KCNIP4: variants seen among roughly 807,000 people sequenced by gnomAD.
KCNIP4 encodes the protein Kv channel-interacting protein 4.
A neutral mutation model predicts 34.0 loss-of-function variants in KCNIP4; 12 were observed. The observed-to-expected ratio is 0.35, with a 90% CI of 0.23 to 0.57. The LOEUF is 0.57. KCNIP4 is among the 20% of genes least tolerant of loss of function. KCNIP4 has a pLI of 0.83. For missense variants in KCNIP4, 238 were observed against 311.7 expected, an observed-to-expected ratio of 0.76 and a Z score of 1.78; for synonymous variants, 124 against 102.2, an observed-to-expected ratio of 1.21 and a Z score of -1.29.
chr4:21,365,269 G>A (rs1377106970), intron 1 of KCNIP4, among the ~76,000 whole-genome samples: 1 of 152,036 alleles, frequency 6.6e-6, no homozygotes, highest in Non-Finnish European at 1.5e-5. Context: ...CGGATCACTT[G>A]AGGTCAAGAG....
At chr4:21,356,137 C>T (rs908809387) in intron 1 of KCNIP4, among the ~76,000 whole-genome samples, 2 of 152,132 alleles carry the variant, frequency 1.3e-5, no homozygotes, top group African/African-American at 4.8e-5. Flanking sequence ...ATGCTAAAAA[C>T]TCTCAAAAAA....
chr4:21,761,614 T>C (rs1408785633), intron 1 of KCNIP4, among the ~76,000 whole-genome samples: 6 of 131,262 alleles, frequency 4.6e-5, no homozygotes, highest in African/African-American at 1.9e-4. Context: ...TTAACATAAA[T>C]TTGTAAAACA....
chr4:21,152,137 C>A (rs1174258477), intron 1 of KCNIP4, among the ~76,000 whole-genome samples: 3 of 152,190 alleles, frequency 2.0e-5, no homozygotes, highest in Admixed American at 6.5e-5. Context: ...CCTGTAATCC[C>A]AGCTACTTGG....
chr4:21,234,362 TATAATATATAACATAC>T (rs1445918522), intron 1 of KCNIP4, among the ~76,000 whole-genome samples: 3 of 109,602 alleles, frequency 2.7e-5, no homozygotes, highest in Admixed American at 2.1e-4. Context: ...ATATAACATA[TATAATATATAACATAC>T]ATCATACATA....
At chr4:21,012,020 A>G (rs1271680060) in intron 1 of KCNIP4, among the ~76,000 whole-genome samples, 2 of 152,222 alleles carry the variant, frequency 1.3e-5, no homozygotes, top group African/African-American at 4.8e-5. Context: ...AAACAAAAGC[A>G]TGATAAGAAT....
At chr4:21,276,786 G>A (rs1762468252) in intron 1 of KCNIP4, among the ~76,000 whole-genome samples, 1 of 151,928 alleles carries the variant, frequency 6.6e-6, no homozygotes, top group African/African-American at 2.4e-5. Context: ...TATAGTTTTG[G>A]GCCAATGAGG....
chr4:21,910,447 G>C (rs970232307), intron 1 of KCNIP4, among the ~76,000 whole-genome samples: 1 of 152,090 alleles, frequency 6.6e-6, no homozygotes, highest in African/African-American at 2.4e-5. Context: ...CAGACTGGAG[G>C]CTTCTACATA....
intron 1 of KCNIP4, among the ~76,000 whole-genome samples, chr4:20,938,373 T>C (rs977675384): frequency 6.6e-6 from 1 of 151,914 alleles, no homozygotes; most frequent in Non-Finnish European, 1.5e-5. Context: ...CCAGCCAGGG[T>C]CCTATGACTG....
At chr4:21,148,853 A>G (rs2109238008) in intron 1 of KCNIP4, among the ~76,000 whole-genome samples, 1 of 152,328 alleles carries the variant, frequency 6.6e-6, no homozygotes, top group East Asian at 1.9e-4. Context: ...GTTTTGATGA[A>G]CACTAAAACT....
chr4:21,523,243 A>T (rs1169622006), intron 1 of KCNIP4, among the ~76,000 whole-genome samples: 1 of 152,130 alleles, frequency 6.6e-6, no homozygotes, highest in East Asian at 1.9e-4. Flanking sequence ...ATCCTGAATG[A>T]ACTAAGACAC....
At chr4:21,497,025 A>G (rs532539209) in intron 1 of KCNIP4, among the ~76,000 whole-genome samples, 4 of 152,126 alleles carry the variant, frequency 2.6e-5, no homozygotes, top group Non-Finnish European at 5.9e-5. Context: ...CCTCTCCTCT[A>G]TCTAAAGTAG....
chr4:21,060,455 G>T (rs1404682202), intron 1 of KCNIP4, among the ~76,000 whole-genome samples: 1 of 152,120 alleles, frequency 6.6e-6, no homozygotes, highest in Non-Finnish European at 1.5e-5. Flanking sequence ...GCTTCAATAA[G>T]ACATAGAAGG....
At chr4:21,908,788 A>G (rs906506872) in intron 1 of KCNIP4, among the ~76,000 whole-genome samples, 1 of 152,208 alleles carries the variant, frequency 6.6e-6, no homozygotes, top group African/African-American at 2.4e-5. Context: ...GCAATCATAA[A>G]GTAGTTGAAA....
intron 1 of KCNIP4, among the ~76,000 whole-genome samples, chr4:21,582,970 C>T (rs1188653819): frequency 6.6e-6 from 1 of 151,812 alleles, no homozygotes; most frequent in African/African-American, 2.4e-5. Context: ...TTGCCTTTCT[C>T]ACACTAGCAA....
At chr4:21,004,407 C>T (rs186065950) in intron 1 of KCNIP4, among the ~76,000 whole-genome samples, 63 of 152,236 alleles carry the variant, frequency 4.1e-4, no homozygotes, top group East Asian at 2.1e-3. Context: ...ATACATTGGG[C>T]CAAGTGGAAA....
intron 1 of KCNIP4, among the ~76,000 whole-genome samples, chr4:21,879,920 C>T (rs1231325405): frequency 6.6e-6 from 1 of 151,792 alleles, no homozygotes; most frequent in Non-Finnish European, 1.5e-5. Flanking sequence ...GGCTTTTTTT[C>T]CCCACTTTCA....
chr4:21,893,983 T>C (rs1336773474), intron 1 of KCNIP4, among the ~76,000 whole-genome samples: 4 of 152,090 alleles, frequency 2.6e-5, no homozygotes, highest in African/African-American at 9.7e-5. Flanking sequence ...ACTTTTATCA[T>C]ATATATGCTA....
chr4:21,280,219 A>G (rs1762694768), intron 1 of KCNIP4, among the ~76,000 whole-genome samples: 1 of 152,190 alleles, frequency 6.6e-6, no homozygotes, highest in Admixed American at 6.5e-5. Flanking sequence ...AAACACAGCA[A>G]CTATGTAATG....
In KCNIP4 at chr4:21,770,172, A is replaced by G. The variant is rs368940330; in HGVS notation, c.61+178399T>C. On this transcript the variant is annotated intron_variant, in intron 1 of 8. Transcript: ENST00000382152. ...GTGTGTTGTTCCCTTCTCTGTGTCC[A>G]TGTATTCTCAATGTTCGACATCCAC... Among the ~76,000 whole-genome samples, 24 of 151,880 alleles carry G rather than the reference A, an allele frequency of 1.6e-4. 2 individuals are homozygous for G. The South Asian group carries it at 5.0e-3, about 32-fold the overall frequency.
Sources: gnomAD v4.1 joint callset for allele counts (sites outside exome capture counted in the v4.1 genomes callset) on GRCh38, gnomAD v4.1.1 for gene constraint, MANE v1.5 for transcripts, NCBI Gene and HGNC (gene_info 2026-07-23, HGNC 2026-07-21) for gene names.